FBXL4: variants seen among roughly 807,000 people sequenced by gnomAD.
FBXL4 encodes the protein F-box/LRR-repeat protein 4.
In FBXL4, 40 loss-of-function variants were observed where a neutral mutation model predicts 58.9. The observed-to-expected ratio is 0.68, with a 90% confidence interval of 0.53 to 0.88. The LOEUF is 0.88. Among genes scored for constraint, FBXL4 ranks in the 40% least tolerant of loss-of-function variants. FBXL4 has a pLI of 0.00. For synonymous variants in FBXL4, 263 were observed against 265.5 expected (o/e 0.99, Z 0.09); for missense variants, 676 against 734.4 (o/e 0.92, Z 0.92).
chr6:98,882,475 A>C (rs1469321456), intron 7 of FBXL4, among the ~76,000 whole-genome samples: 1 of 152,068 alleles, frequency 6.6e-6, no homozygotes, highest in Admixed American at 6.5e-5. Context: ...GGATCTGTCC[A>C]TGTTGATACA....
intron 6 of FBXL4, among the ~76,000 whole-genome samples, chr6:98,901,577 C>T (rs568898131): frequency 7.9e-5 from 12 of 152,220 alleles, no homozygotes; most frequent in Admixed American, 5.2e-4. Context: ...CTTTCTTTCT[C>T]TCTCTCAAGA....
intron 7 of FBXL4, chr6:98,898,396 T>C (rs1771481039): frequency 1.0e-6 from 1 of 985,182 alleles, no homozygotes; most frequent in Admixed American, 6.2e-5. Context: ...TAATAGTAAG[T>C]ATGTGTAAAA....
At chr6:98,893,793 A>T (rs556351463) in intron 7 of FBXL4, among the ~76,000 whole-genome samples, 14 of 150,640 alleles carry the variant, frequency 9.3e-5, no homozygotes, top group South Asian at 2.1e-4. Context: ...ATAAGAAATC[A>T]TTTTTTTTTT....
chr6:98,945,625 T>C (rs195825), intron 1 of FBXL4, among the ~76,000 whole-genome samples: 24,294 of 152,092 alleles, frequency 0.16, 2,249 homozygotes, highest in African/African-American at 0.25. Context: ...ATTTATTATA[T>C]TTTAGATATC....
intron 7 of FBXL4, among the ~76,000 whole-genome samples, chr6:98,888,230 T>A (rs951062119): frequency 6.6e-6 from 1 of 152,220 alleles, no homozygotes; most frequent in Admixed American, 6.5e-5. Context: ...AATAAAGTTT[T>A]ACTGGAACAC....
chr6:98,945,460 A>T (rs1448356541), intron 1 of FBXL4, among the ~76,000 whole-genome samples: 2 of 152,214 alleles, frequency 1.3e-5, no homozygotes, highest in East Asian at 3.9e-4. Flanking sequence ...TAAAATCTGC[A>T]AGCAGTGATC....
chr6:98,882,927 A>G (rs1188701546), intron 7 of FBXL4, among the ~76,000 whole-genome samples: 2 of 152,012 alleles, frequency 1.3e-5, no homozygotes, highest in African/African-American at 4.8e-5. Flanking sequence ...TTCCTTGTGC[A>G]TTTATAGAAG....
chr6:98,894,720 C>A (rs570091965), intron 7 of FBXL4, among the ~76,000 whole-genome samples: 1 of 152,220 alleles, frequency 6.6e-6, no homozygotes, highest in South Asian at 2.1e-4. Flanking sequence ...TGAAATTCAA[C>A]AAATATATGC....
intron 6 of FBXL4, among the ~76,000 whole-genome samples, chr6:98,904,011 T>C (rs1056543470): frequency 6.6e-6 from 1 of 152,128 alleles, no homozygotes; most frequent in Non-Finnish European, 1.5e-5. Flanking sequence ...TTCTTAATAA[T>C]GGAAAACATT....
chr6:98,923,995 T>C (rs915253001), intron 4 of FBXL4, among the ~76,000 whole-genome samples: 1 of 152,120 alleles, frequency 6.6e-6, no homozygotes, highest in Admixed American at 6.5e-5. Context: ...GTATTTTCAG[T>C]AGACTAAAGC....
At chr6:98,944,415 C>G (rs1773544762) in intron 1 of FBXL4, among the ~76,000 whole-genome samples, 1 of 152,096 alleles carries the variant, frequency 6.6e-6, no homozygotes, top group African/African-American at 2.4e-5. Flanking sequence ...TATGATCATG[C>G]AAGTAAAAAC....
At chr6:98,913,287 G>C (rs1259555394) in intron 5 of FBXL4, among the ~76,000 whole-genome samples, 8 of 151,898 alleles carry the variant, frequency 5.3e-5, no homozygotes. Flanking sequence ...AGTTAACAAG[G>C]ATACCCAGAA....
intron 6 of FBXL4, 121 bp downstream of exon 6, chr6:98,905,305 T>C (rs1425742126): frequency 8.5e-7 from 1 of 1,182,838 alleles, no homozygotes; most frequent in Non-Finnish European, 1.2e-6. Flanking sequence ...AAAATATATT[T>C]CCTTTTTATT....
rs1770936517 is a variant in FBXL4 at position 98,883,833 on chromosome 6, T to C, written c.1318-3209A>G. On this transcript the variant is annotated intron_variant, in intron 7 of 9. Transcript: ENST00000369244. ...TTTAAATCTAGTATGGCAAATAGCT[T>C]TTCCTCATTCTTCAAACATCTCTTA... 4.0e-5 allele frequency among the ~76,000 whole-genome samples: 6 copies of C among 151,440 alleles called. 1 individual carries two copies. Among genetic ancestry groups the C allele is most frequent in the Admixed American group, 4.0e-4 (6 of 15,174 alleles).
At chr6:98,883,538 C>CA (rs749238253) in intron 7 of FBXL4, among the ~76,000 whole-genome samples, 2 of 151,298 alleles carry the variant, frequency 1.3e-5, no homozygotes, top group Non-Finnish European at 3.0e-5. Flanking sequence ...TTTTTAAAAT[C>CA]AGAGTTTTAG....
chr6:98,885,566 C>T (rs1253808996), intron 7 of FBXL4, among the ~76,000 whole-genome samples: 2 of 152,112 alleles, frequency 1.3e-5, no homozygotes, highest in South Asian at 2.1e-4. Context: ...GAGAATTCTT[C>T]CAAATTCAGG....
At chr6:98,910,558 G>C (rs1291236612) in intron 5 of FBXL4, among the ~76,000 whole-genome samples, 1 of 151,980 alleles carries the variant, frequency 6.6e-6, no homozygotes, top group African/African-American at 2.4e-5. Context: ...TCGGGAGGCT[G>C]AGGCAGGAGA....
chr6:98,914,527 T>A (rs60196850), intron 5 of FBXL4, among the ~76,000 whole-genome samples: 2 of 152,286 alleles, frequency 1.3e-5, no homozygotes, highest in Non-Finnish European at 2.9e-5. Context: ...CGCAAATCAA[T>A]AAATGTAATC....
intron 5 of FBXL4, among the ~76,000 whole-genome samples, chr6:98,909,666 C>G (rs1472239905): frequency 6.6e-6 from 1 of 152,176 alleles, no homozygotes; most frequent in Non-Finnish European, 1.5e-5. Flanking sequence ...TGAATTGCTC[C>G]CACTGCTGCA....
Sources: gnomAD v4.1 joint callset for allele counts (sites outside exome capture counted in the v4.1 genomes callset) on GRCh38, gnomAD v4.1.1 for gene constraint, MANE v1.5 for transcripts, NCBI Gene and HGNC (gene_info 2026-07-23, HGNC 2026-07-21) for gene names.